Variants in NALF1 observed in about 807,000 individuals in gnomAD.
NALF1 encodes family with sequence similarity 155 member A.
In NALF1, 3 loss-of-function variants were observed where a neutral mutation model predicts 48.4. That is an observed-to-expected ratio of 0.06 (90% CI 0.03 to 0.16). NALF1 has a LOEUF of 0.16. NALF1 is among the 10% of genes least tolerant of loss of function. The pLI is 1.00. For missense variants in NALF1, 526 were observed against 571.5 expected (o/e 0.92, Z 0.81); for synonymous variants, 262 against 245.7 (o/e 1.07, Z -0.62).
chr13:107,395,063 G>T (rs2138986270), intron 1 of NALF1, among the ~76,000 whole-genome samples: 1 of 152,230 alleles, frequency 6.6e-6, no homozygotes, highest in South Asian at 2.1e-4. Context: ...TAGTCCCCTT[G>T]CTAAAGAAAT....
intron 1 of NALF1, among the ~76,000 whole-genome samples, chr13:107,323,497 T>TA: frequency 6.6e-6 from 1 of 152,266 alleles, no homozygotes. Context: ...CACCTCAAAT[T>TA]TTTTTTCTCT....
intron 1 of NALF1, among the ~76,000 whole-genome samples, chr13:107,455,184 G>T (rs1884803820): frequency 3.3e-5 from 5 of 152,008 alleles, no homozygotes. Context: ...CACTATGATT[G>T]TAAGTTTTCT....
intron 1 of NALF1, among the ~76,000 whole-genome samples, chr13:107,613,192 C>A (rs1359748323): frequency 6.6e-6 from 1 of 152,058 alleles, no homozygotes; most frequent in African/African-American, 2.4e-5. Flanking sequence ...AACTTTGGAG[C>A]TTTTTTCCTA....
At chr13:107,613,007 A>AG (rs963966777) in intron 1 of NALF1, among the ~76,000 whole-genome samples, 10 of 150,930 alleles carry the variant, frequency 6.6e-5, no homozygotes, top group Non-Finnish European at 1.3e-4. Flanking sequence ...AATGAGAAAA[A>AG]AAAAAAAGAA....
intron 1 of NALF1, among the ~76,000 whole-genome samples, chr13:107,602,241 T>G (rs1878950316): frequency 6.6e-6 from 1 of 152,100 alleles, no homozygotes; most frequent in Non-Finnish European, 1.5e-5. Flanking sequence ...ACCAGGAAAA[T>G]TGAATCTAAA....
At chr13:107,368,964 G>T (rs534471627) in intron 1 of NALF1, among the ~76,000 whole-genome samples, 2 of 152,310 alleles carry the variant, frequency 1.3e-5, no homozygotes, top group South Asian at 2.1e-4. Flanking sequence ...AGGTCAGGTT[G>T]TCACTTTCGT....
chr13:107,432,072 C>A (rs892583457), intron 1 of NALF1, among the ~76,000 whole-genome samples: 1 of 152,118 alleles, frequency 6.6e-6, no homozygotes, highest in African/African-American at 2.4e-5. Context: ...GCAGGCTGTC[C>A]AGGAAATGTG....
chr13:107,499,074 A>G (rs1245295501), intron 1 of NALF1, among the ~76,000 whole-genome samples: 2 of 152,120 alleles, frequency 1.3e-5, no homozygotes, highest in East Asian at 3.9e-4. Flanking sequence ...ACCAATAAAA[A>G]AACGATCAAC....
chr13:107,549,099 T>C (rs1255415694), intron 1 of NALF1, among the ~76,000 whole-genome samples: 1 of 152,174 alleles, frequency 6.6e-6, no homozygotes, highest in African/African-American at 2.4e-5. Context: ...AAAGGTTACC[T>C]TACAAACATG....
chr13:107,581,264 T>C (rs970286548), intron 1 of NALF1, among the ~76,000 whole-genome samples: 2 of 152,110 alleles, frequency 1.3e-5, no homozygotes, highest in Non-Finnish European at 2.9e-5. Context: ...ATGTGATATG[T>C]TTTTGTGTAA....
chr13:107,422,780 A>G (rs532079391), intron 1 of NALF1, among the ~76,000 whole-genome samples: 1 of 152,292 alleles, frequency 6.6e-6, no homozygotes, highest in East Asian at 1.9e-4. Flanking sequence ...TGGGCTTAAT[A>G]TAATTACAAT....
chr13:107,282,814 T>C (rs1175744495), intron 1 of NALF1, among the ~76,000 whole-genome samples: 1 of 152,218 alleles, frequency 6.6e-6, no homozygotes, highest in East Asian at 1.9e-4. Context: ...ATGCTGTGCC[T>C]GTAGAAGCCA....
intron 1 of NALF1, among the ~76,000 whole-genome samples, chr13:107,521,998 TCATAA>T (rs1271071095): frequency 6.6e-6 from 1 of 151,624 alleles, no homozygotes; most frequent in East Asian, 1.9e-4. Context: ...CTCTCACATA[TCATAA>T]ATCTTACTAG....
chr13:107,219,853 A>C (rs1410612087), intron 1 of NALF1, among the ~76,000 whole-genome samples: 1 of 152,250 alleles, frequency 6.6e-6, no homozygotes, highest in Non-Finnish European at 1.5e-5. Flanking sequence ...TTTGTCATAT[A>C]ATCCAAAGTA....
intron 1 of NALF1, among the ~76,000 whole-genome samples, chr13:107,281,605 T>C (rs533512431): frequency 6.6e-6 from 1 of 152,320 alleles, no homozygotes; most frequent in African/African-American, 2.4e-5. Context: ...CCTAAGTATA[T>C]GAAGGCGGTG....
At chr13:107,377,690 G>A (rs975189699) in intron 1 of NALF1, among the ~76,000 whole-genome samples, 9 of 152,126 alleles carry the variant, frequency 5.9e-5, no homozygotes, top group African/African-American at 2.2e-4. Flanking sequence ...GAGGTCAAAG[G>A]GACTGGAGAA....
chr13:107,284,829 T>C (rs934702962), intron 1 of NALF1, among the ~76,000 whole-genome samples: 3 of 152,170 alleles, frequency 2.0e-5, no homozygotes. Context: ...AAACCTGCCA[T>C]GCTGGAGCCT....
At chr13:107,419,600 T>A (rs1036567498) in intron 1 of NALF1, among the ~76,000 whole-genome samples, 5 of 152,180 alleles carry the variant, frequency 3.3e-5, no homozygotes, top group Non-Finnish European at 7.3e-5. Flanking sequence ...TTGAACTCTG[T>A]GGCCCCTCCC....
intron 1 of NALF1, among the ~76,000 whole-genome samples, chr13:107,785,123 T>C (rs545303430): frequency 9.9e-5 from 15 of 151,968 alleles, no homozygotes; most frequent in African/African-American, 2.7e-4. Flanking sequence ...TGTATATATA[T>C]ATTCATATAT....
Sources: gnomAD v4.1 joint callset for allele counts (sites outside exome capture counted in the v4.1 genomes callset) on GRCh38, gnomAD v4.1.1 for gene constraint, MANE v1.5 for transcripts, NCBI Gene and HGNC (gene_info 2026-07-23, HGNC 2026-07-21) for gene names.